PRKN: variants seen among roughly 807,000 people sequenced by gnomAD.
PRKN encodes parkin RBR E3 ubiquitin protein ligase.
PRKN carries 56 observed loss-of-function variants against 59.5 expected under a neutral mutation model. The observed-to-expected ratio is 0.94, with a 90% confidence interval of 0.76 to 1.18. The LOEUF (loss-of-function observed/expected upper bound fraction) is 1.18. Among genes scored for constraint, PRKN ranks in the 50% most tolerant of loss-of-function variants. The pLI is 0.00. For synonymous variants in PRKN, 250 were observed against 222.1 expected, an observed-to-expected ratio of 1.13 and a Z score of -1.12; for missense variants, 657 against 596.4, an observed-to-expected ratio of 1.10 and a Z score of -1.06.
chr6:162,086,826 G>A (rs1262598664), intron 4 of PRKN, among the ~76,000 whole-genome samples: 1 of 152,170 alleles, frequency 6.6e-6, no homozygotes. Context: ...TAAGTTCCTT[G>A]AGAGAACAGA....
chr6:162,575,541 T>G (rs10945849), intron 1 of PRKN, among the ~76,000 whole-genome samples: 9,052 of 144,500 alleles, frequency 0.063, 368 homozygotes, highest in Middle Eastern at 0.094. Context: ...GTTGACCCCC[T>G]AGCTCCCAGG....
intron 6 of PRKN, among the ~76,000 whole-genome samples, chr6:161,934,570 T>C (rs1779285574): frequency 6.6e-6 from 1 of 152,346 alleles, no homozygotes; most frequent in Admixed American, 6.5e-5. Context: ...CTGTGTCTCA[T>C]CAGAATAGTT....
At chr6:162,380,077 C>T (rs992319522) in intron 2 of PRKN, among the ~76,000 whole-genome samples, 4 of 152,070 alleles carry the variant, frequency 2.6e-5, no homozygotes. Flanking sequence ...TACTGGAATG[C>T]AACATCTTTT....
chr6:161,715,031 C>T (rs994782473), intron 7 of PRKN, among the ~76,000 whole-genome samples: 2 of 152,210 alleles, frequency 1.3e-5, no homozygotes, highest in African/African-American at 2.4e-5. Context: ...ACTTTCATAA[C>T]CAGAGATAAT....
chr6:162,717,990 C>G (rs1778792717), intron 1 of PRKN, among the ~76,000 whole-genome samples: 2 of 152,184 alleles, frequency 1.3e-5, no homozygotes, highest in African/African-American at 4.8e-5. Context: ...TAAAAGAAAA[C>G]ATCCCACAAC....
intron 9 of PRKN, among the ~76,000 whole-genome samples, chr6:161,477,409 C>T (rs918388270): frequency 2.7e-5 from 4 of 150,010 alleles, no homozygotes; most frequent in African/African-American, 4.9e-5. Flanking sequence ...CCCAGCTACT[C>T]GGAGGCTGAG....
chr6:162,531,720 T>A (rs1187537486), intron 1 of PRKN, among the ~76,000 whole-genome samples: 1 of 152,134 alleles, frequency 6.6e-6, no homozygotes, highest in Non-Finnish European at 1.5e-5. Context: ...TCCTAAACCG[T>A]AATTTCTAAT....
At position 161,905,928 on chromosome 6, in the gene PRKN, T is replaced by TAA. The variant is rs750946937; in HGVS notation, c.734+67372_734+67373dup. ...TAAGCCAAGATCACACCACTGCATC[T>TAA]AAAAAAAAAAAAAAAAAAAAGGACA... On this transcript the variant is annotated intron_variant, in intron 6 of 11. Coordinates refer to ENST00000366898, the MANE Select transcript of PRKN (RefSeq NM_004562.3). 1.8e-3 allele frequency among the ~76,000 whole-genome samples: 189 copies of TAA among 104,980 alleles called. 1 individual carries two copies. The highest frequency in any genetic ancestry group is 6.0e-3 in the African/African-American group (163 of 27,282). The allele number at this position is 104,980 out of a possible 152,430, so 68.9% of individuals were successfully genotyped here. A position where few individuals can be genotyped will look rare whatever the true frequency, so the allele number is the denominator to read the frequency against.
chr6:161,588,980 C>CCATAATT lies in PRKN; in HGVS notation c.872-19571_872-19565dup, dbSNP rs1334621491. Among the ~76,000 whole-genome samples the CCATAATT allele has an allele frequency of 6.6e-6, 1 of 152,108 alleles. No individual in the cohort carries two copies. Among genetic ancestry groups the CCATAATT allele is most frequent in the Admixed American group, 6.5e-5 (1 of 15,274 alleles). ...TAGTTTATCTGGCAGCCTTACCAAGCCATAATTCAGAGAGAATATTTGTAA... is the reference window on the plus strand; with the variant it reads ...TAGTTTATCTGGCAGCCTTACCAAGCCATAATTCATAATTCAGAGAGAATATTTGTAA... On this transcript the variant is annotated intron_variant, in intron 7 of 11. Coordinates refer to ENST00000366898, the MANE Select transcript of PRKN (RefSeq NM_004562.3). The surrounding 1 kb of genome is among the most constrained non-coding windows in gnomAD (Gnocchi z 5.0).
At chr6:161,746,861 T>C (rs1004722844) in intron 7 of PRKN, among the ~76,000 whole-genome samples, 3 of 149,648 alleles carry the variant, frequency 2.0e-5, no homozygotes, top group African/African-American at 7.3e-5. Flanking sequence ...TGTATCTATA[T>C]ATCTACGTAT....
rs1782647437 is a variant in PRKN, at chr6:162,314,089, T to C, written c.172-51324A>G. Among the ~76,000 whole-genome samples, 2 of 152,152 alleles carry C rather than the reference T, an allele frequency of 1.3e-5. 1 individual carries two copies. The highest frequency in any genetic ancestry group is 4.1e-4 in the South Asian group (2 of 4,828). ...TCAAGACACAAAGAAGGTTTCCATG[T>C]AGCGCTTGCTCTCTGAGGTGTGTCT... On this transcript the variant is annotated intron_variant, in intron 2 of 11. Coordinates refer to ENST00000366898, the MANE Select transcript of PRKN (RefSeq NM_004562.3).
At chr6:162,352,007 G>C (rs956135169) in intron 2 of PRKN, among the ~76,000 whole-genome samples, 3 of 152,032 alleles carry the variant, frequency 2.0e-5, no homozygotes, top group African/African-American at 7.2e-5. Flanking sequence ...CACCCCCTCC[G>C]GACACCAGAG....
chr6:161,439,384 C>T (rs1355875034), intron 9 of PRKN, among the ~76,000 whole-genome samples: 1 of 152,126 alleles, frequency 6.6e-6, no homozygotes, highest in Non-Finnish European at 1.5e-5. Context: ...GCTTTGGAAT[C>T]ACAAAATGAA....
At chr6:161,541,397 G>A (rs1424242957) in intron 9 of PRKN, among the ~76,000 whole-genome samples, 1 of 152,202 alleles carries the variant, frequency 6.6e-6, no homozygotes, top group Non-Finnish European at 1.5e-5. Context: ...ATCTTCACAA[G>A]AAGTCTGTTT....
In PRKN at chr6:161,554,789, G is replaced by C. The variant is rs1196736036; in HGVS notation, c.934-5786C>G. Among the ~76,000 whole-genome samples the C allele has an allele frequency of 6.7e-6, 1 of 150,310 alleles. No homozygotes were observed. The highest frequency in any genetic ancestry group is 1.5e-5 in the Non-Finnish European group (1 of 67,678). On this transcript the variant is annotated intron_variant, in intron 8 of 11. Coordinates refer to ENST00000366898, the MANE Select transcript of PRKN (RefSeq NM_004562.3). This position sits in a 1 kb window ranked among gnomAD's most constrained non-coding sequence, Gnocchi z 4.5. ...TTATATTTATACATACTTCCCCCTTGAGTATCTGAAATCTCTTACTTCATG... is the reference window on the plus strand; with the variant it reads ...TTATATTTATACATACTTCCCCCTTCAGTATCTGAAATCTCTTACTTCATG...
At chr6:162,722,979 C>A (rs1778991532) in intron 1 of PRKN, among the ~76,000 whole-genome samples, 2 of 152,126 alleles carry the variant, frequency 1.3e-5, no homozygotes, top group South Asian at 4.1e-4. Flanking sequence ...CTTTGGGGTA[C>A]TTAGGCATAG....
chr6:161,743,213 CTTTTTTTTTTTTT>C (rs768890758), intron 7 of PRKN, among the ~76,000 whole-genome samples: 1 of 84,552 alleles, frequency 1.2e-5, no homozygotes, highest in Non-Finnish European at 2.2e-5. Context: ...TGGTTTCTAC[CTTTTTTTTTTTTT>C]TTTTTTTTTT....
At chr6:162,012,657 A>G (rs1486499456) in intron 5 of PRKN, among the ~76,000 whole-genome samples, 1 of 152,110 alleles carries the variant, frequency 6.6e-6, no homozygotes, top group East Asian at 1.9e-4. Context: ...TGTAAATTGA[A>G]CCAATTATAT....
chr6:162,429,802 C>T (rs1364564766), intron 2 of PRKN, among the ~76,000 whole-genome samples: 1 of 152,166 alleles, frequency 6.6e-6, no homozygotes, highest in African/African-American at 2.4e-5. Context: ...GTGGAGGAGA[C>T]ACTTGGCAAG....
Sources: gnomAD v4.1 joint callset for allele counts (sites outside exome capture counted in the v4.1 genomes callset) on GRCh38, gnomAD v4.1.1 for gene constraint, Gnocchi (gnomAD v3.1) non-coding constraint, MANE v1.5 for transcripts, NCBI Gene and HGNC (gene_info 2026-07-23, HGNC 2026-07-21) for gene names.